CDH13: variants seen among roughly 807,000 people sequenced by gnomAD.
CDH13 encodes the protein cadherin-13.
CDH13 carries 24 observed loss-of-function variants against 63.8 expected under a neutral mutation model. The observed-to-expected ratio is 0.38, with a 90% confidence interval of 0.27 to 0.53. CDH13 has a LOEUF of 0.53. Ranked by LOEUF, CDH13 falls within the 20% of genes least tolerant of loss-of-function variation. The probability of loss-of-function intolerance (pLI) is 0.85; values close to 1 mark genes in which losing one functional copy is unlikely to be tolerated. For synonymous variants in CDH13, 503 were observed against 355.3 expected (o/e 1.42, Z -4.67); for missense variants, 1,049 against 903.1 (o/e 1.16, Z -2.07).
chr16:83,236,875 G>C (rs556270187), intron 5 of CDH13, among the ~76,000 whole-genome samples: 28 of 152,140 alleles, frequency 1.8e-4, no homozygotes, highest in Non-Finnish European at 3.7e-4. Context: ...GAAATGTTTT[G>C]GAACTAGACA....
chr16:82,885,895 C>T (rs938997875), intron 2 of CDH13, among the ~76,000 whole-genome samples: 2 of 152,114 alleles, frequency 1.3e-5, no homozygotes, highest in African/African-American at 4.8e-5. Context: ...AGATACTTGA[C>T]AAAGTGCCTG....
At chr16:82,905,022 T>C (rs182041794) in intron 2 of CDH13, among the ~76,000 whole-genome samples, 28 of 152,230 alleles carry the variant, frequency 1.8e-4, no homozygotes, top group Non-Finnish European at 3.1e-4. Flanking sequence ...GCTCTGACTC[T>C]AGCAGCTGCA....
chr16:83,293,029 T>A (rs1447219506), intron 5 of CDH13, among the ~76,000 whole-genome samples: 2 of 152,230 alleles, frequency 1.3e-5, no homozygotes, highest in Non-Finnish European at 2.9e-5. Context: ...AACAGATAGT[T>A]GAGTCAATTA....
At chr16:83,575,045 T>G (rs1431559915) in intron 7 of CDH13, among the ~76,000 whole-genome samples, 4 of 152,074 alleles carry the variant, frequency 2.6e-5, no homozygotes, top group African/African-American at 9.7e-5. Context: ...GTCCATACAA[T>G]AGAATATTAT....
intron 2 of CDH13, among the ~76,000 whole-genome samples, chr16:83,006,507 G>A (rs1418703449): frequency 6.6e-6 from 1 of 152,048 alleles, no homozygotes; most frequent in East Asian, 1.9e-4. Context: ...AAAAAGACTA[G>A]CCAAGCGCTT....
intron 4 of CDH13, among the ~76,000 whole-genome samples, chr16:83,134,364 AT>A: frequency 6.6e-6 from 1 of 151,844 alleles, no homozygotes; most frequent in East Asian, 1.9e-4. Context: ...TAATTTTTGT[AT>A]TTTTAGGAGA....
At chr16:83,530,073 G>T (rs769720978) in intron 7 of CDH13, among the ~76,000 whole-genome samples, 4 of 152,116 alleles carry the variant, frequency 2.6e-5, no homozygotes, top group Non-Finnish European at 5.9e-5. Flanking sequence ...GAAGATTATT[G>T]TCTGTCTTCC....
chr16:82,819,052 C>A (rs117889737), intron 1 of CDH13, among the ~76,000 whole-genome samples: 1 of 152,116 alleles, frequency 6.6e-6, no homozygotes, highest in African/African-American at 2.4e-5. Flanking sequence ...GTGATTGCTT[C>A]TATTTATTCA....
Position 83,461,588 on chromosome 16 carries a change from G to A in CDH13, c.782-24889G>A, listed in dbSNP as rs142385540. Among the ~76,000 whole-genome samples, 491 of 152,264 alleles carry A rather than the reference G, an allele frequency of 3.2e-3. 2 individuals are homozygous for A. The highest frequency in any genetic ancestry group is 0.011 in the African/African-American group (471 of 41,546). ...GTCTTAGTTGACAAGTTCAAAAGGA[G>A]CCTTCTGTACAAGTGTCTGCCCAGA... On this transcript the variant is annotated intron_variant, in intron 6 of 13. Transcript: ENST00000567109.
At chr16:82,761,305 G>A (rs57360921) in intron 1 of CDH13, among the ~76,000 whole-genome samples, 4 of 151,924 alleles carry the variant, frequency 2.6e-5, no homozygotes, top group Non-Finnish European at 4.4e-5. Flanking sequence ...GACGTGAGCC[G>A]CCATGCCCGG....
At chr16:83,150,417 T>C (rs1015347492) in intron 4 of CDH13, among the ~76,000 whole-genome samples, 1 of 152,192 alleles carries the variant, frequency 6.6e-6, no homozygotes, top group Admixed American at 6.5e-5. Context: ...AATATATGCT[T>C]CTGCACATCT....
intron 8 of CDH13, among the ~76,000 whole-genome samples, chr16:83,648,105 A>G (rs952788100): frequency 6.6e-6 from 1 of 152,120 alleles, no homozygotes; most frequent in East Asian, 1.9e-4. Flanking sequence ...GTTGCTTTGT[A>G]AAGGCAACAA....
chr16:82,635,410 C>A (rs958241809), intron 1 of CDH13, among the ~76,000 whole-genome samples: 3 of 152,138 alleles, frequency 2.0e-5, no homozygotes, highest in Non-Finnish European at 2.9e-5. Context: ...TGGGTGAAGC[C>A]TCTATTCAGG....
chr16:83,312,549 G>A lies in CDH13; in HGVS notation c.637-32313G>A, dbSNP rs114776330. 3.0e-3 allele frequency among the ~76,000 whole-genome samples: 462 copies of A among 152,214 alleles called. 2 individuals are homozygous for A. The highest frequency in any genetic ancestry group is 0.011 in the African/African-American group (444 of 41,540). ...AGAGAGCTTCTGATTGGCTTAGGTT[G>A]TATCATAAGGCCACCCTTCTTGGGC... On this transcript the variant is annotated intron_variant, in intron 5 of 13. Coordinates refer to ENST00000567109, the MANE Select transcript of CDH13 (RefSeq NM_001257.5).
intron 3 of CDH13, among the ~76,000 whole-genome samples, chr16:83,094,384 TAGAG>T: frequency 6.6e-6 from 1 of 152,212 alleles, no homozygotes; most frequent in African/African-American, 2.4e-5. Flanking sequence ...CAAGGTTGGA[TAGAG>T]AGAGAAGTTG....
chr16:82,763,248 A>G lies in CDH13; in HGVS notation c.46-95114A>G, dbSNP rs141358367. Among the ~76,000 whole-genome samples, 707 of 152,246 alleles carry G rather than the reference A, an allele frequency of 4.6e-3. 3 individuals are homozygous for G. Among genetic ancestry groups the G allele is most frequent in the African/African-American group, 0.014 (602 of 41,538 alleles). On this transcript the variant is annotated intron_variant, in intron 1 of 13. Coordinates refer to ENST00000567109, the MANE Select transcript of CDH13 (RefSeq NM_001257.5). Reference sequence around the variant, plus strand: ...TGCACAGGTTACCCTACATAAATCAACGTGCCTCCTGTCTCCTATCACTCT... The same window carrying G: ...TGCACAGGTTACCCTACATAAATCAGCGTGCCTCCTGTCTCCTATCACTCT...
chr16:82,769,142 C>T (rs930010531), intron 1 of CDH13, among the ~76,000 whole-genome samples: 1 of 152,118 alleles, frequency 6.6e-6, no homozygotes, highest in Non-Finnish European at 1.5e-5. Context: ...TAAACAGACC[C>T]ATCATGTCAC....
chr16:83,145,227 G>A (rs930061759), intron 4 of CDH13, among the ~76,000 whole-genome samples: 4 of 152,144 alleles, frequency 2.6e-5, no homozygotes, highest in African/African-American at 7.2e-5. Flanking sequence ...CACCTTGGTC[G>A]CTGACAAACT....
At chr16:83,410,766 T>A (rs2092114481) in intron 6 of CDH13, among the ~76,000 whole-genome samples, 1 of 152,088 alleles carries the variant, frequency 6.6e-6, no homozygotes, top group African/African-American at 2.4e-5. Flanking sequence ...AGTAACTGAG[T>A]CGTTGGCAAT....
Sources: gnomAD v4.1 joint callset for allele counts (sites outside exome capture counted in the v4.1 genomes callset) on GRCh38, gnomAD v4.1.1 for gene constraint, MANE v1.5 for transcripts, NCBI Gene and HGNC (gene_info 2026-07-23, HGNC 2026-07-21) for gene names.